Variants in SP2 observed in about 807,000 individuals in gnomAD.
The protein encoded by SP2 is transcription factor Sp2.
Under a neutral mutation model 50.1 loss-of-function variants are expected in SP2, and 9 were observed. The ratio of observed to expected loss-of-function variants is 0.18; its 90% CI spans 0.11 to 0.31. SP2 has a LOEUF of 0.31. SP2 is among the 10% of genes least tolerant of loss of function. The pLI, the probability that SP2 is intolerant of heterozygous loss-of-function variation, is 1.00. For synonymous variants in SP2, 313 were observed against 326.6 expected (o/e 0.96, Z 0.45); for missense variants, 581 against 806.5 (o/e 0.72, Z 3.39).
At chr17:47,908,180 C>T (rs2034839187) in intron 1 of SP2, among the ~76,000 whole-genome samples, 1 of 152,206 alleles carries the variant, frequency 6.6e-6, no homozygotes, top group South Asian at 2.1e-4. Flanking sequence ...GTAGATTCTG[C>T]TTTAACCTCC....
intron 1 of SP2, among the ~76,000 whole-genome samples, chr17:47,900,620 T>C (rs530603546): frequency 6.6e-6 from 1 of 152,176 alleles, no homozygotes; most frequent in Admixed American, 6.5e-5. Context: ...CTACTAAAAA[T>C]ACAAAAATTA....
In SP2 at chr17:47,924,901, C is replaced by T. The variant is rs760646658; in HGVS notation, c.1373-18C>T. 4 of 1,568,210 alleles carry T rather than the reference C, an allele frequency of 2.6e-6. 1 individual carries two copies. In the South Asian group the frequency reaches 4.6e-5, roughly 18 times the overall value. On this transcript the variant is annotated intron_variant, in intron 4 of 6. Coordinates refer to ENST00000376741, the MANE Select transcript of SP2 (RefSeq NM_003110.6). ...CAGGCTTCCTCACCCTGAACTCTGC[C>T]CCTCTTTGTCCCCACAGGGCAGCAG... is the stretch of plus-strand genomic sequence containing the variant.
rs542091210 is a variant in SP2 at position 47,900,726 on chromosome 17, G to A, written c.7+4433G>A. ...CAGGAGGCGGAGATTGCAGTGAGCC[G>A]AGAGCGCACCACTGCACCCCAGCCT... On this transcript the variant is annotated intron_variant, in intron 1 of 6. Coordinates refer to ENST00000376741, the MANE Select transcript of SP2 (RefSeq NM_003110.6). 2.0e-4 allele frequency among the ~76,000 whole-genome samples: 30 copies of A among 152,288 alleles called. No individual in the cohort carries two copies. In the South Asian group the frequency reaches 2.1e-3, roughly 11 times the overall value.
At chr17:47,899,904 G>A (rs530781435) in intron 1 of SP2, 1 of 152,376 alleles carries the variant, frequency 6.6e-6, no homozygotes, top group Non-Finnish European at 1.5e-5. Context: ...GAGATGTCTA[G>A]GCCGTTTGTG....
At chr17:47,917,647 G>T (rs1269857706) in intron 3 of SP2, 8 of 201,902 alleles carry the variant, frequency 4.0e-5, no homozygotes, top group Non-Finnish European at 3.2e-5. Context: ...TTTGAGATAG[G>T]GTCATACTCT....
chr17:47,913,327 C>G (rs2035065206), intron 1 of SP2, among the ~76,000 whole-genome samples: 1 of 152,062 alleles, frequency 6.6e-6, no homozygotes, highest in Admixed American at 6.6e-5. Flanking sequence ...TTCCTGGCCT[C>G]AAGTGATCCT....
rs1220296586 is a variant in SP2 at position 47,928,690 on chromosome 17, C to G, written c.*866C>G. Reference sequence around the variant, plus strand: ...CCCTCTCCCTTCACCTCACCCCTGCCCGGCCCAAGCTCTACTTGTGTACAG... The same window carrying G: ...CCCTCTCCCTTCACCTCACCCCTGCGCGGCCCAAGCTCTACTTGTGTACAG... On this transcript the variant is annotated 3_prime_UTR_variant, in exon 7 of 7. Coordinates refer to ENST00000376741, the MANE Select transcript of SP2 (RefSeq NM_003110.6). 6.5e-6 allele frequency: 1 copy of G among 152,742 alleles called. No individual in the cohort carries two copies. The highest frequency in any genetic ancestry group is 1.5e-5 in the Non-Finnish European group (1 of 68,064). The allele number at this position is 152,742 out of a possible 1,614,324, so 9.5% of individuals were successfully genotyped here.
At chr17:47,908,130 T>C (rs2034837756) in intron 1 of SP2, among the ~76,000 whole-genome samples, 1 of 152,142 alleles carries the variant, frequency 6.6e-6, no homozygotes, top group Non-Finnish European at 1.5e-5. Context: ...CAAGCTGAAA[T>C]GGTGCAACGT....
chr17:47,903,220 G>T (rs1312724538), intron 1 of SP2, among the ~76,000 whole-genome samples: 11 of 152,248 alleles, frequency 7.2e-5, no homozygotes, highest in Admixed American at 6.5e-4. Context: ...CTAGGAAACA[G>T]GTGTAGACAG....
At chr17:47,929,278 A>G (rs946748186), downstream of SP2, among the ~76,000 whole-genome samples, 10 of 152,340 alleles carry the variant, frequency 6.6e-5, no homozygotes, top group South Asian at 1.0e-3. Context: ...TCAGCCAGCA[A>G]CTTAGCTCTT....
At chr17:47,931,319 C>T (rs972401002), downstream of SP2, among the ~76,000 whole-genome samples, 7 of 152,116 alleles carry the variant, frequency 4.6e-5, no homozygotes, top group Non-Finnish European at 1.0e-4. Flanking sequence ...TGCACTCCAG[C>T]CTGGGTGACA....
Position 47,916,454 on chromosome 17 carries a change from C to T in SP2, c.383C>T (p.Ala128Val), listed in dbSNP as rs931232655. The T allele has an allele frequency of 3.1e-6, 5 of 1,614,006 alleles. No homozygotes were observed. Among genetic ancestry groups the T allele is most frequent in the Non-Finnish European group, 4.2e-6 (5 of 1,180,026 alleles). ...TMINKGTRSN[A>V]NIQYQAVPQI... ...ATCAACAAAGGGACCCGATCAAATG[C>T]CAATATCCAGTACCAGGCGGTCCCT... Residue 128 changes from alanine (A) to valine (V), a missense_variant, in exon 3 of 7, where the codon GCC becomes GTC. Around this residue, in one of 2 missense-constraint regions of SP2, gnomAD observed 397 missense variants for 491.0 expected, o/e 0.81. Coordinates refer to ENST00000376741, the MANE Select transcript of SP2 (RefSeq NM_003110.6). The surrounding 1 kb of genome is among the most constrained non-coding windows in gnomAD (Gnocchi z 4.7).
chr17:47,923,388 T>C (rs1319055385), intron 4 of SP2, 114 bp downstream of exon 4: 1 of 860,486 alleles, frequency 1.2e-6, no homozygotes, highest in Non-Finnish European at 1.8e-6. Context: ...CTGTCCATCA[T>C]AGCTTAAGGG....
At chr17:47,896,396 G>A in intron 1 of SP2, 103 bp downstream of exon 1, 7 of 1,026,334 alleles carry the variant, frequency 6.8e-6, no homozygotes, top group Non-Finnish European at 8.8e-6. Context: ...GTTCCCCCCT[G>A]GGGCTGGGTC....
At chr17:47,899,546 T>C (rs1374733239) in intron 1 of SP2, 1 of 152,218 alleles carries the variant, frequency 6.6e-6, no homozygotes, top group Non-Finnish European at 1.5e-5. Context: ...GGAGCAGAGA[T>C]TGCCCTTGAG....
At chr17:47,910,130 C>T (rs531103087) in intron 1 of SP2, among the ~76,000 whole-genome samples, 2 of 152,176 alleles carry the variant, frequency 1.3e-5, no homozygotes, top group African/African-American at 4.8e-5. Flanking sequence ...TGAGCCACCA[C>T]GCCTGGCCAA....
rs969963571 is a variant in SP2 at position 47,912,460 on chromosome 17, A to G, written c.8-2852A>G. Among the ~76,000 whole-genome samples, 3 of 87,920 alleles carry G rather than the reference A, an allele frequency of 3.4e-5. No homozygotes were observed. The East Asian group carries it at 8.9e-4, about 26-fold the overall frequency. The allele number at this position is 87,920 out of a possible 152,430, so 57.7% of individuals were successfully genotyped here. On this transcript the variant is annotated intron_variant, in intron 1 of 6. Transcript: ENST00000376741. ...ACTTCACCTTTTTTTTTTTTTTTTT[A>G]TGGAGATGGGATCTTGCTCCATCAC...
chr17:47,921,960 G>A (rs1454016321), intron 3 of SP2, among the ~76,000 whole-genome samples: 6 of 152,136 alleles, frequency 3.9e-5, no homozygotes, highest in Non-Finnish European at 5.9e-5. Flanking sequence ...ACACACACAT[G>A]TATACACATA....
At chr17:47,917,821 A>T (rs947795654) in intron 3 of SP2, 5 of 434,236 alleles carry the variant, frequency 1.2e-5, no homozygotes, top group African/African-American at 6.2e-5. Flanking sequence ...TTCAACAAGA[A>T]TGTTCTTATT....
Sources: gnomAD v4.1 joint callset for allele counts (sites outside exome capture counted in the v4.1 genomes callset) on GRCh38, gnomAD v4.1.1 for gene constraint, gnomAD v4.1.1 regional missense constraint, Gnocchi (gnomAD v3.1) non-coding constraint, MANE v1.5 for transcripts, NCBI Gene and HGNC (gene_info 2026-07-23, HGNC 2026-07-21) for gene names.